The following ZDHHC3 variants were observed in gnomAD, a reference collection of about 807,000 sequenced individuals.
The protein encoded by ZDHHC3 is palmitoyltransferase ZDHHC3.
A neutral mutation model predicts 30.6 loss-of-function variants in ZDHHC3; 9 were observed. The observed-to-expected ratio is 0.29, with a 90% CI of 0.18 to 0.51. The LOEUF (loss-of-function observed/expected upper bound fraction) is 0.51. Ranked by LOEUF, ZDHHC3 falls within the 20% of genes least tolerant of loss-of-function variation. The pLI, the probability that ZDHHC3 is intolerant of heterozygous loss-of-function variation, is 0.97. For synonymous variants in ZDHHC3, 136 were observed against 140.2 expected, an observed-to-expected ratio of 0.97 and a Z score of 0.21; for missense variants, 246 against 384.2, an observed-to-expected ratio of 0.64 and a Z score of 3.01.
intron 1 of ZDHHC3, among the ~76,000 whole-genome samples, chr3:44,961,111 G>A (rs759647613): frequency 6.6e-6 from 1 of 152,232 alleles, no homozygotes. Context: ...TAACCATCTC[G>A]GCCGGGCGCA....
In ZDHHC3 at chr3:44,920,718, A is replaced by G; in HGVS notation, c.*5971T>C. The G allele has an allele frequency of 1.0e-6, 1 of 985,410 alleles. No homozygotes were observed. The highest frequency in any genetic ancestry group is 1.7e-5 in the African/African-American group (1 of 57,344). 61.0% of individuals were successfully genotyped at this position (985,410 alleles called of 1,614,324 possible). A position where few individuals can be genotyped will look rare whatever the true frequency, so the allele number is the denominator to read the frequency against. ...AAGGGGAATGAAGCCAAGAGCCCAC[A>G]GGATGATTATTTGCCATTCATGTGG... is the stretch of plus-strand genomic sequence containing the variant. On this transcript the variant is annotated 3_prime_UTR_variant, in exon 7 of 7. Transcript: ENST00000424952.
chr3:44,952,638 A>G (rs749258336), intron 2 of ZDHHC3, among the ~76,000 whole-genome samples: 98 of 152,276 alleles, frequency 6.4e-4, no homozygotes, highest in Non-Finnish European at 1.0e-3. Context: ...CCTGTGGTCT[A>G]TTTGGAGTTT....
chr3:44,926,660 G>A lies in ZDHHC3; in HGVS notation c.*29C>T, dbSNP rs530944747. The A allele has an allele frequency of 6.4e-7, 1 of 1,562,912 alleles. No individual in the cohort carries two copies. Among genetic ancestry groups the A allele is most frequent in the Non-Finnish European group, 8.6e-7 (1 of 1,157,728 alleles). ...CGGTAGTGCTGTGGTGTGGACTTGT[G>A]TCTGAGTGGCCATGCCGGTCGGGGT... is the stretch of plus-strand genomic sequence containing the variant. On this transcript the variant is annotated 3_prime_UTR_variant, in exon 7 of 7. Coordinates refer to ENST00000424952, the MANE Select transcript of ZDHHC3 (RefSeq NM_001135179.2).
intron 2 of ZDHHC3, among the ~76,000 whole-genome samples, chr3:44,955,425 A>G (rs1703847710): frequency 6.7e-6 from 1 of 150,146 alleles, no homozygotes; most frequent in African/African-American, 2.5e-5. Context: ...TGAAAGTGGT[A>G]AAGTAACTGC....
chr3:44,934,342 A>T (rs867557560), intron 3 of ZDHHC3, among the ~76,000 whole-genome samples: 1 of 152,032 alleles, frequency 6.6e-6, no homozygotes, highest in African/African-American at 2.4e-5. Flanking sequence ...AAACTTGACC[A>T]AGTGGGCTAA....
chr3:44,964,225 GAACACCAAAAGCAACAAAACCCC>G (rs1704731904), intron 1 of ZDHHC3, among the ~76,000 whole-genome samples: 1 of 152,086 alleles, frequency 6.6e-6, no homozygotes, highest in Non-Finnish European at 1.5e-5. Flanking sequence ...AGAAAAACCC[GAACACCAAAAGCAACAAAACCCC>G]AACAACCATA....
chr3:44,952,453 G>A (rs1703548862), intron 2 of ZDHHC3, among the ~76,000 whole-genome samples: 1 of 152,134 alleles, frequency 6.6e-6, no homozygotes, highest in Non-Finnish European at 1.5e-5. Flanking sequence ...CTAATTTCCA[G>A]AGTAAACTTT....
chr3:44,929,901 G>A (rs1248944412), intron 5 of ZDHHC3, among the ~76,000 whole-genome samples: 1 of 152,216 alleles, frequency 6.6e-6, no homozygotes, highest in Non-Finnish European at 1.5e-5. Context: ...GCCCCTCTGT[G>A]CCCCATCAGC....
rs958210619 is a variant in ZDHHC3, at chr3:44,924,767, A to C, written c.*1922T>G. On this transcript the variant is annotated 3_prime_UTR_variant, in exon 7 of 7. Transcript: ENST00000424952. ...TCTTTCATACACCTAACTGAGCTGT[A>C]TGTTATGAAAAAATTTTAAAAAAGC... 1.0e-6 allele frequency: 1 copy of C among 985,324 alleles called. No homozygotes were observed. The highest frequency in any genetic ancestry group is 1.7e-5 in the African/African-American group (1 of 57,252). The allele number at this position is 985,324 out of a possible 1,614,324, so 61.0% of individuals were successfully genotyped here.
intron 2 of ZDHHC3, among the ~76,000 whole-genome samples, chr3:44,946,379 G>C (rs1702933168): frequency 6.6e-6 from 1 of 152,212 alleles, no homozygotes; most frequent in Non-Finnish European, 1.5e-5. Flanking sequence ...AACAGGCAGT[G>C]CACAGGCCTA....
chr3:44,972,047 C>T (rs75318513), intron 1 of ZDHHC3, among the ~76,000 whole-genome samples: 1,807 of 152,184 alleles, frequency 0.012, 96 homozygotes, highest in Admixed American at 0.084. Context: ...ACAGGCAAAA[C>T]GGTAACTGAC....
At chr3:44,932,980 C>G in intron 5 of ZDHHC3, 138 bp downstream of exon 5, 1 of 1,614,156 alleles carries the variant, frequency 6.2e-7, no homozygotes, top group Non-Finnish European at 8.5e-7. Context: ...CTTCCCTGTT[C>G]AGTCCATAGG....
At chr3:44,958,420 G>A (rs920551493) in intron 2 of ZDHHC3, among the ~76,000 whole-genome samples, 1 of 152,274 alleles carries the variant, frequency 6.6e-6, no homozygotes, top group Non-Finnish European at 1.5e-5. Flanking sequence ...CAAGCCACAG[G>A]AGGTCTTTAT....
intron 3 of ZDHHC3, among the ~76,000 whole-genome samples, chr3:44,942,522 C>A (rs1170164979): frequency 6.6e-6 from 1 of 152,166 alleles, no homozygotes; most frequent in African/African-American, 2.4e-5. Flanking sequence ...GAGGAAAATG[C>A]CAGGCGGTGG....
Position 44,920,426 on chromosome 3 carries a change from GAC to G in ZDHHC3, c.*6261_*6262del, listed in dbSNP as rs1700513234. ...GGCTACAGAGGAAACACCCAAAAAT[GAC>G]AGACTGGCTGCATCCACACTGACTT... On this transcript the variant is annotated 3_prime_UTR_variant, in exon 7 of 7. Coordinates refer to ENST00000424952, the MANE Select transcript of ZDHHC3 (RefSeq NM_001135179.2). 1.6e-6 allele frequency: 2 copies of G among 1,265,770 alleles called. No homozygotes were observed. Among genetic ancestry groups the G allele is most frequent in the African/African-American group, 3.0e-5 (2 of 65,580 alleles). 78.4% of individuals were successfully genotyped at this position (1,265,770 alleles called of 1,614,324 possible). A position where few individuals can be genotyped will look rare whatever the true frequency, so the allele number is the denominator to read the frequency against.
intron 4 of ZDHHC3, chr3:44,933,446 T>A (rs1701676241): frequency 1.7e-6 from 1 of 586,418 alleles, no homozygotes; most frequent in Non-Finnish European, 3.0e-6. Context: ...TCACCAGGCA[T>A]GACCTGGGCT....
chr3:44,917,939 CT>C lies in ZDHHC3; in HGVS notation c.*8749del. 1 of 1,305,234 alleles carries C rather than the reference CT, an allele frequency of 7.7e-7. No individual in the cohort carries two copies. Among genetic ancestry groups the C allele is most frequent in the Non-Finnish European group, 1.0e-6 (1 of 988,972 alleles). 80.9% of individuals were successfully genotyped at this position (1,305,234 alleles called of 1,614,324 possible). On this transcript the variant is annotated 3_prime_UTR_variant, in exon 7 of 7. Transcript: ENST00000424952. ...ACAGAGTCCTCGTCCTTTGTCTCCT[CT>C]GATGGATCCTCCATTGTTTCGGTGT...
intron 2 of ZDHHC3, among the ~76,000 whole-genome samples, chr3:44,948,737 G>T (rs955656697): frequency 5.3e-5 from 8 of 152,342 alleles, no homozygotes; most frequent in Admixed American, 2.6e-4. Context: ...GTTCAAGCAC[G>T]GTCCTAGAGG....
rs182593114 is a variant in ZDHHC3 at position 44,932,642 on chromosome 3, G to A, written c.610+476C>T. Among the ~76,000 whole-genome samples the A allele has an allele frequency of 3.2e-4, 49 of 152,292 alleles. 1 individual carries two copies. Among genetic ancestry groups the A allele is most frequent in the African/African-American group, 1.1e-3 (44 of 41,552 alleles). On this transcript the variant is annotated intron_variant, in intron 5 of 6. Transcript: ENST00000424952. ...TTAATGTAAATTCACGATTATCAGT[G>A]TAAGCAGTTAAAAAACACCATCACA... is the stretch of plus-strand genomic sequence containing the variant.
Sources: gnomAD v4.1 joint callset for allele counts (sites outside exome capture counted in the v4.1 genomes callset) on GRCh38, gnomAD v4.1.1 for gene constraint, MANE v1.5 for transcripts, NCBI Gene and HGNC (gene_info 2026-07-23, HGNC 2026-07-21) for gene names.